The following SEMA6A variants were observed in gnomAD, a reference collection of about 807,000 sequenced individuals.
The protein encoded by SEMA6A is semaphorin-6A.
Under a neutral mutation model 96.8 loss-of-function variants are expected in SEMA6A, and 25 were observed. The observed-to-expected ratio is 0.26, with a 90% confidence interval of 0.19 to 0.36. SEMA6A has a LOEUF of 0.36. Ranked by LOEUF, SEMA6A falls within the 10% of genes least tolerant of loss-of-function variation. The pLI is 1.00. For synonymous variants in SEMA6A, 612 were observed against 518.0 expected (o/e 1.18, Z -2.46); for missense variants, 1,363 against 1,323.1 (o/e 1.03, Z -0.47).
intron 18 of SEMA6A, among the ~76,000 whole-genome samples, chr5:116,461,394 CA>C (rs1241269468): frequency 1.3e-5 from 2 of 152,012 alleles, no homozygotes; most frequent in Non-Finnish European, 2.9e-5. Flanking sequence ...GCTCTACTCT[CA>C]CATTTAAAAA....
rs1173426458 is a variant in SEMA6A at position 116,443,720 on chromosome 5, C to A, written c.*2893G>T. ...GATGGAAGGAAAATTGGTGACATCA[C>A]AATATTTTTACAACTTTACAACAAA... On this transcript the variant is annotated 3_prime_UTR_variant, in exon 19 of 19. Transcript: ENST00000343348. 2 of 152,432 alleles carry A rather than the reference C, an allele frequency of 1.3e-5. No individual in the cohort carries two copies. The highest frequency in any genetic ancestry group is 2.9e-5 in the Non-Finnish European group (2 of 67,996). 9.4% of individuals were successfully genotyped at this position (152,432 alleles called of 1,614,324 possible). A position where few individuals can be genotyped will look rare whatever the true frequency, so the allele number is the denominator to read the frequency against.
chr5:116,549,258 C>T (rs1303758957), intron 1 of SEMA6A, among the ~76,000 whole-genome samples: 3 of 152,094 alleles, frequency 2.0e-5, no homozygotes, highest in Admixed American at 6.5e-5. Context: ...GGTGAGCATT[C>T]ATAATGGAAT....
intron 1 of SEMA6A, among the ~76,000 whole-genome samples, chr5:116,573,763 C>A (rs1025702324): frequency 1.3e-5 from 2 of 152,140 alleles, no homozygotes; most frequent in African/African-American, 4.8e-5. Context: ...GGGCAGAACC[C>A]CTTCCCCTGC....
intron 1 of SEMA6A, among the ~76,000 whole-genome samples, chr5:116,523,771 G>A (rs902551418): frequency 6.6e-6 from 1 of 152,196 alleles, no homozygotes; most frequent in African/African-American, 2.4e-5. Flanking sequence ...TGGCTTGGGT[G>A]TGACCTGGGC....
At chr5:116,546,780 T>TTACAC (rs1282514701) in intron 1 of SEMA6A, among the ~76,000 whole-genome samples, 1 of 152,150 alleles carries the variant, frequency 6.6e-6, no homozygotes, top group Non-Finnish European at 1.5e-5. Context: ...CAAGGGAGAA[T>TTACAC]TACAGGGCTT....
intron 1 of SEMA6A, among the ~76,000 whole-genome samples, chr5:116,509,244 T>C (rs1184210379): frequency 1.3e-5 from 2 of 152,136 alleles, no homozygotes; most frequent in East Asian, 3.8e-4. Context: ...GATTTGCAAA[T>C]ACAAAATGCT....
chr5:116,449,177 G>A (rs1394232118), intron 18 of SEMA6A: 5 of 573,768 alleles, frequency 8.7e-6, no homozygotes, highest in African/African-American at 3.8e-5. Context: ...TGATGCAGTC[G>A]CTAAAAAATA....
At chr5:116,469,369 G>A (rs1755966470) in intron 17 of SEMA6A, 1 of 152,170 alleles carries the variant, frequency 6.6e-6, no homozygotes, top group Admixed American at 6.5e-5. Flanking sequence ...AACAGGGGAA[G>A]GAAAATCAGC....
chr5:116,487,117 GA>G (rs959176428), intron 9 of SEMA6A, 151 bp from the exon 10 acceptor site: 11 of 609,552 alleles, frequency 1.8e-5, no homozygotes, highest in Middle Eastern at 8.8e-4. Context: ...AGAAAGAAAA[GA>G]AAAAAAGAGG....
At chr5:116,495,877 A>C in intron 5 of SEMA6A, 1 of 333,104 alleles carries the variant, frequency 3.0e-6, no homozygotes, top group Non-Finnish European at 5.6e-6. Context: ...TTATATGACC[A>C]CAGGCACAAA....
At chr5:116,512,456 G>A (rs1427727727) in intron 1 of SEMA6A, among the ~76,000 whole-genome samples, 1 of 152,178 alleles carries the variant, frequency 6.6e-6, no homozygotes, top group Non-Finnish European at 1.5e-5. Context: ...TTTGGAGAGT[G>A]ATGATGGCAT....
intron 15 of SEMA6A, among the ~76,000 whole-genome samples, chr5:116,475,837 G>A (rs1014527391): frequency 2.0e-5 from 3 of 152,128 alleles, no homozygotes; most frequent in Non-Finnish European, 4.4e-5. Flanking sequence ...ATTATTCAGG[G>A]AGATAATTAG....
intron 1 of SEMA6A, among the ~76,000 whole-genome samples, chr5:116,523,337 A>C (rs2112821137): frequency 6.6e-6 from 1 of 152,188 alleles, no homozygotes; most frequent in African/African-American, 2.4e-5. Context: ...TTTTTGAGAC[A>C]GGGTCTTGCT....
At chr5:116,533,257 C>CTT (rs77196415) in intron 1 of SEMA6A, among the ~76,000 whole-genome samples, 2 of 140,898 alleles carry the variant, frequency 1.4e-5, no homozygotes, top group African/African-American at 5.2e-5. Flanking sequence ...TTTGTTTTTC[C>CTT]TTTTTTTTTT....
At chr5:116,495,626 C>T in intron 5 of SEMA6A, 112 bp from the exon 6 acceptor site, 1 of 698,694 alleles carries the variant, frequency 1.4e-6, no homozygotes, top group Non-Finnish European at 2.4e-6. Flanking sequence ...TGGCTGAGGA[C>T]TTCTCCCATT....
intron 3 of SEMA6A, among the ~76,000 whole-genome samples, chr5:116,500,094 TA>T (rs1757798867): frequency 6.6e-6 from 1 of 152,190 alleles, no homozygotes; most frequent in South Asian, 2.1e-4. Context: ...TTTAGGAAAA[TA>T]AAAATGACAT....
At position 116,478,176 on chromosome 5, in the gene SEMA6A, A is replaced by T. The variant is rs556530420; in HGVS notation, c.1428-22T>A. The T allele has an allele frequency of 1.1e-5, 18 of 1,612,520 alleles. 2 individuals carry two copies. In the South Asian group the frequency reaches 1.8e-4, roughly 16 times the overall value. On this transcript the variant is annotated intron_variant, in intron 13 of 18. Transcript: ENST00000343348. ...GCATCTAATTTCATCAGGCAAGATAATATCATTAATAGACTCTTCTCTTTT... is the reference window on the plus strand; with the variant it reads ...GCATCTAATTTCATCAGGCAAGATATTATCATTAATAGACTCTTCTCTTTT...
intron 1 of SEMA6A, among the ~76,000 whole-genome samples, chr5:116,573,508 T>C (rs1156580917): frequency 2.0e-5 from 3 of 151,972 alleles, no homozygotes; most frequent in Non-Finnish European, 4.4e-5. Flanking sequence ...CGGACACTTA[T>C]TCGAGCAAAC....
At chr5:116,465,946 A>T (rs1755704305) in intron 18 of SEMA6A, among the ~76,000 whole-genome samples, 1 of 151,194 alleles carries the variant, frequency 6.6e-6, no homozygotes, top group Non-Finnish European at 1.5e-5. Context: ...ATAATGGCAT[A>T]TGCTAAGGCT....
Sources: gnomAD v4.1 joint callset for allele counts (sites outside exome capture counted in the v4.1 genomes callset) on GRCh38, gnomAD v4.1.1 for gene constraint, MANE v1.5 for transcripts, NCBI Gene and HGNC (gene_info 2026-07-23, HGNC 2026-07-21) for gene names.